SRGAP1: variants seen among roughly 807,000 people sequenced by gnomAD.
SRGAP1 encodes SLIT-ROBO Rho GTPase-activating protein 1.
A neutral mutation model predicts 121.9 loss-of-function variants in SRGAP1; 43 were observed. That is an observed-to-expected ratio of 0.35 (90% CI 0.28 to 0.46). The LOEUF is 0.46. Ranked by LOEUF, SRGAP1 falls within the 20% of genes least tolerant of loss-of-function variation. The pLI is 1.00. For synonymous variants in SRGAP1, 447 were observed against 485.4 expected, an observed-to-expected ratio of 0.92 and a Z score of 1.04; for missense variants, 1,102 against 1,350.9, an observed-to-expected ratio of 0.82 and a Z score of 2.89.
At chr12:64,114,621 G>T (rs573475815) in intron 17 of SRGAP1, among the ~76,000 whole-genome samples, 219 of 152,278 alleles carry the variant, frequency 1.4e-3, no homozygotes, top group African/African-American at 5.2e-3. Context: ...AAAGTGCTGG[G>T]ATTACAGGCG....
chr12:63,900,341 G>A (rs1467296482), intron 1 of SRGAP1, among the ~76,000 whole-genome samples: 5 of 151,068 alleles, frequency 3.3e-5, no homozygotes, highest in Non-Finnish European at 7.4e-5. Context: ...GAGTAGCTGG[G>A]ACTACAGGTG....
intron 6 of SRGAP1, among the ~76,000 whole-genome samples, chr12:64,059,021 T>A (rs2035397582): frequency 6.6e-6 from 1 of 152,114 alleles, no homozygotes; most frequent in Non-Finnish European, 1.5e-5. Flanking sequence ...GGAAATTTCC[T>A]ATCAAAACTC....
rs569286324 is a variant in SRGAP1, at chr12:63,953,847, C to G, written c.68-30100C>G. ...CATGTCAGCACTTCTAGCAATGGTG[C>G]TGTTGTTAACAGTGGAAATACATTT... On this transcript the variant is annotated intron_variant, in intron 1 of 21. Coordinates refer to ENST00000355086, the MANE Select transcript of SRGAP1 (RefSeq NM_020762.4). 3.9e-4 allele frequency among the ~76,000 whole-genome samples: 60 copies of G among 152,276 alleles called. No homozygotes were observed. The South Asian group carries it at 0.012, about 30-fold the overall frequency.
chr12:64,028,901 C>T (rs920114491), intron 4 of SRGAP1, among the ~76,000 whole-genome samples: 9 of 152,202 alleles, frequency 5.9e-5, no homozygotes, highest in Non-Finnish European at 1.2e-4. Context: ...ATTCGTGAAG[C>T]ATTCACTGTG....
chr12:63,888,151 C>T (rs1285708759), intron 1 of SRGAP1: 1 of 152,238 alleles, frequency 6.6e-6, no homozygotes, highest in African/African-American at 2.4e-5. Flanking sequence ...TCTTGCTGCT[C>T]ATCCACATGG....
At chr12:64,067,072 C>T (rs994658275) in intron 8 of SRGAP1, among the ~76,000 whole-genome samples, 3 of 152,056 alleles carry the variant, frequency 2.0e-5, no homozygotes, top group Admixed American at 2.0e-4. Context: ...CCTGCACTGC[C>T]TCATGAATTG....
chr12:63,969,718 C>T (rs772554436), intron 1 of SRGAP1, among the ~76,000 whole-genome samples: 6 of 151,568 alleles, frequency 4.0e-5, no homozygotes, highest in Non-Finnish European at 5.9e-5. Flanking sequence ...GGCGTGAACC[C>T]GGGAGGCAGA....
chr12:64,020,269 G>A (rs1452875539), intron 4 of SRGAP1, among the ~76,000 whole-genome samples: 2 of 152,072 alleles, frequency 1.3e-5, no homozygotes, highest in Non-Finnish European at 2.9e-5. Context: ...AGATGATGGG[G>A]TAGATATGAT....
chr12:64,012,055 C>CTGA (rs904239208), intron 3 of SRGAP1, among the ~76,000 whole-genome samples: 1 of 151,724 alleles, frequency 6.6e-6, no homozygotes, highest in Admixed American at 6.6e-5. Context: ...GAGGGAGACC[C>CTGA]TGTGTCAAAC....
At chr12:63,960,065 A>C (rs2032591702) in intron 1 of SRGAP1, among the ~76,000 whole-genome samples, 1 of 152,122 alleles carries the variant, frequency 6.6e-6, no homozygotes, top group African/African-American at 2.4e-5. Context: ...TTAACTCCTG[A>C]TGAAAGTTCT....
At chr12:63,899,357 G>A (rs975895882) in intron 1 of SRGAP1, among the ~76,000 whole-genome samples, 1 of 151,912 alleles carries the variant, frequency 6.6e-6, no homozygotes, top group Non-Finnish European at 1.5e-5. Context: ...AAGGAACCAG[G>A]TTTGCTACAT....
chr12:63,976,692 T>C (rs2033104617), intron 1 of SRGAP1, among the ~76,000 whole-genome samples: 1 of 152,230 alleles, frequency 6.6e-6, no homozygotes, highest in Non-Finnish European at 1.5e-5. Context: ...TTTTCACTTA[T>C]ATCATCTCAT....
At chr12:63,867,855 G>A (rs2136273379) in intron 1 of SRGAP1, among the ~76,000 whole-genome samples, 1 of 151,352 alleles carries the variant, frequency 6.6e-6, no homozygotes, top group South Asian at 2.1e-4. Context: ...AAAAAAATGT[G>A]GATGTTAATG....
intron 2 of SRGAP1, 128 bp from the exon 3 acceptor site, chr12:63,989,782 A>T: frequency 1.6e-6 from 1 of 641,432 alleles, no homozygotes; most frequent in Non-Finnish European, 2.7e-6. Flanking sequence ...GGTCTGAGAA[A>T]TGCTCAGAGC....
intron 1 of SRGAP1, among the ~76,000 whole-genome samples, chr12:63,913,480 T>TATATATATATAG (rs1439123798): frequency 9.2e-6 from 1 of 108,626 alleles, no homozygotes; most frequent in African/African-American, 3.7e-5. Context: ...TATATATGGA[T>TATATATATATAG]ATATATATAT....
intron 21 of SRGAP1, among the ~76,000 whole-genome samples, chr12:64,138,330 AT>A (rs974544286): frequency 6.9e-4 from 105 of 151,202 alleles, no homozygotes; most frequent in African/African-American, 2.4e-3. Flanking sequence ...CATAATTTAA[AT>A]TTTTTTGTAT....
At chr12:64,087,693 G>A (rs765288803) in intron 11 of SRGAP1, among the ~76,000 whole-genome samples, 5 of 151,944 alleles carry the variant, frequency 3.3e-5, no homozygotes, top group South Asian at 2.1e-4. Context: ...CCAAGATTGC[G>A]CCACCACACT....
At chr12:63,928,720 C>T (rs1411386123) in intron 1 of SRGAP1, among the ~76,000 whole-genome samples, 1 of 151,792 alleles carries the variant, frequency 6.6e-6, no homozygotes, top group African/African-American at 2.4e-5. Context: ...AATAATTATA[C>T]AACTCACCAT....
chr12:63,960,527 G>A lies in SRGAP1; in HGVS notation c.68-23420G>A, dbSNP rs190226811. On this transcript the variant is annotated intron_variant, in intron 1 of 21. Coordinates refer to ENST00000355086, the MANE Select transcript of SRGAP1 (RefSeq NM_020762.4). ...GAAAATCCTTCTCTGGCTCTCTCTT[G>A]CTTTCTCAGTCTTTTTAGCTCCTAT... Among the ~76,000 whole-genome samples the A allele has an allele frequency of 2.8e-3, 425 of 152,040 alleles. 8 individuals carry two copies. The highest frequency in any genetic ancestry group is 0.024 in the Admixed American group (362 of 15,286).
Sources: allele counts gnomAD v4.1 joint callset (sites outside exome capture counted in the v4.1 genomes callset), GRCh38; gene constraint gnomAD v4.1.1; transcripts MANE v1.5; gene names NCBI Gene and HGNC (gene_info 2026-07-23, HGNC 2026-07-21).